The following PAQR5 variants were observed in gnomAD, a reference collection of about 807,000 sequenced individuals.
PAQR5 encodes membrane progestin receptor gamma.
Under a neutral mutation model 34.5 loss-of-function variants are expected in PAQR5, and 20 were observed. That is an observed-to-expected ratio of 0.58 (90% CI 0.41 to 0.84). The LOEUF is 0.84. Ranked by LOEUF, PAQR5 falls within the 40% of genes least tolerant of loss-of-function variation. The probability of loss-of-function intolerance (pLI) is 0.00; values close to 1 mark genes in which losing one functional copy is unlikely to be tolerated. For missense variants in PAQR5, 378 were observed against 412.7 expected, an observed-to-expected ratio of 0.92 and a Z score of 0.73; for synonymous variants, 131 against 155.6, an observed-to-expected ratio of 0.84 and a Z score of 1.18.
intron 3 of PAQR5, among the ~76,000 whole-genome samples, chr15:69,371,804 C>T (rs1343567796): frequency 6.6e-6 from 1 of 152,122 alleles, no homozygotes; most frequent in Non-Finnish European, 1.5e-5. Flanking sequence ...AATAGCCAAA[C>T]CTAGATTTTT....
chr15:69,301,988 A>G lies in PAQR5; in HGVS notation c.-277+2932A>G, dbSNP rs377032466. Among the ~76,000 whole-genome samples, 46 of 144,664 alleles carry G rather than the reference A, an allele frequency of 3.2e-4. 1 individual carries two copies. In the South Asian group the frequency reaches 9.6e-3, roughly 30 times the overall value. The allele number at this position is 144,664 out of a possible 152,430, so 94.9% of individuals were successfully genotyped here. A position where few individuals can be genotyped will look rare whatever the true frequency, so the allele number is the denominator to read the frequency against. The stretch of plus-strand genomic sequence containing the variant: ...AGCTCTCAGGGGTGGTGGGGGTGGT[A>G]GGTTTGTGCATGGGCTTGAGCCCCA... On this transcript the variant is annotated intron_variant, in intron 1 of 8. Coordinates refer to ENST00000395407, the MANE Select transcript of PAQR5 (RefSeq NM_017705.4).
intron 2 of PAQR5, among the ~76,000 whole-genome samples, chr15:69,355,445 G>A (rs2055052468): frequency 6.9e-6 from 1 of 145,462 alleles, no homozygotes; most frequent in Non-Finnish European, 1.5e-5. Context: ...TCTTGAGACA[G>A]AGTCTCACTC....
intron 6 of PAQR5, among the ~76,000 whole-genome samples, chr15:69,395,155 G>A (rs946006913): frequency 2.0e-5 from 3 of 152,176 alleles, no homozygotes; most frequent in African/African-American, 2.4e-5. Context: ...GGCCTGCCGC[G>A]GCAGGGCAGG....
rs577637818 is a variant in PAQR5 at position 69,370,961 on chromosome 15, A to G, written c.52-8922A>G. On this transcript the variant is annotated intron_variant, in intron 3 of 8. Coordinates refer to ENST00000395407, the MANE Select transcript of PAQR5 (RefSeq NM_017705.4). The stretch of plus-strand genomic sequence containing the variant: ...TACATTGATGAATTACTTATGTTTG[A>G]AAGAGTAATAAAACAAAAACATGCA... 2.5e-3 allele frequency among the ~76,000 whole-genome samples: 382 copies of G among 152,350 alleles called. 2 individuals are homozygous for G. The highest frequency in any genetic ancestry group is 9.0e-3 in the African/African-American group (374 of 41,586).
At chr15:69,353,095 G>A (rs1474645102) in intron 2 of PAQR5, among the ~76,000 whole-genome samples, 1 of 152,152 alleles carries the variant, frequency 6.6e-6, no homozygotes, top group Non-Finnish European at 1.5e-5. Flanking sequence ...TTATGCACTG[G>A]CTCAGCAACA....
chr15:69,339,307 C>A lies in PAQR5; in HGVS notation c.-116+1806C>A, dbSNP rs113024679. 4.1e-3 allele frequency among the ~76,000 whole-genome samples: 617 copies of A among 152,162 alleles called. 2 individuals carry two copies. The highest frequency in any genetic ancestry group is 0.014 in the African/African-American group (589 of 41,498). On this transcript the variant is annotated intron_variant, in intron 2 of 8. Transcript: ENST00000395407. ...AATTACTCTTTCTCTGTTACAATTC[C>A]CCTGTCTTGACGAATTGGCTCTGTC...
chr15:69,352,629 C>T (rs2054950884), intron 2 of PAQR5, among the ~76,000 whole-genome samples: 1 of 152,242 alleles, frequency 6.6e-6, no homozygotes, highest in Admixed American at 6.5e-5. Context: ...TGAAAATGGA[C>T]AGCTGCAGCG....
At chr15:69,395,317 G>C (rs150099756) in intron 6 of PAQR5, among the ~76,000 whole-genome samples, 336 of 152,336 alleles carry the variant, frequency 2.2e-3, no homozygotes, top group Non-Finnish European at 3.7e-3. Flanking sequence ...TGAGACAGAG[G>C]GGGTGACACT....
At chr15:69,360,931 C>T (rs2055214799) in intron 3 of PAQR5, among the ~76,000 whole-genome samples, 1 of 152,150 alleles carries the variant, frequency 6.6e-6, no homozygotes, top group Admixed American at 6.5e-5. Flanking sequence ...TTGAAATAAA[C>T]TCAACATCAC....
intron 1 of PAQR5, among the ~76,000 whole-genome samples, chr15:69,316,303 G>A (rs2053947157): frequency 6.6e-6 from 1 of 152,088 alleles, no homozygotes. Flanking sequence ...CTGATCTGGA[G>A]CTCCTGACCA....
At position 69,335,497 on chromosome 15, in the gene PAQR5, G is replaced by A. The variant is rs189303743; in HGVS notation, c.-276-1844G>A. Among the ~76,000 whole-genome samples, 472 of 148,442 alleles carry A rather than the reference G, an allele frequency of 3.2e-3. 2 individuals carry two copies. The highest frequency in any genetic ancestry group is 9.2e-3 in the African/African-American group (373 of 40,434). The stretch of plus-strand genomic sequence containing the variant: ...CCACCTCAGGTGATCTGCCCGCCTC[G>A]GCCTCCCAAAGTGCTAGGATTACAG... On this transcript the variant is annotated intron_variant, in intron 1 of 8. Coordinates refer to ENST00000395407, the MANE Select transcript of PAQR5 (RefSeq NM_017705.4).
chr15:69,345,794 A>G (rs1236480720), intron 2 of PAQR5, among the ~76,000 whole-genome samples: 1 of 152,180 alleles, frequency 6.6e-6, no homozygotes, highest in Non-Finnish European at 1.5e-5. Flanking sequence ...GAAATCTTGC[A>G]TAGTCAGGGG....
intron 2 of PAQR5, among the ~76,000 whole-genome samples, chr15:69,343,769 A>T (rs2054698373): frequency 6.6e-6 from 1 of 152,168 alleles, no homozygotes; most frequent in African/African-American, 2.4e-5. Flanking sequence ...CTTCCAGCTG[A>T]TAGATAGTGT....
chr15:69,328,847 C>A (rs975905277), intron 1 of PAQR5, among the ~76,000 whole-genome samples: 1 of 152,206 alleles, frequency 6.6e-6, no homozygotes, highest in African/African-American at 2.4e-5. Context: ...AGGGCAAGGC[C>A]AGTGCAGCCT....
chr15:69,325,293 C>T (rs574554917), intron 1 of PAQR5, among the ~76,000 whole-genome samples: 2 of 152,160 alleles, frequency 1.3e-5, no homozygotes, highest in African/African-American at 4.8e-5. Context: ...TTTTTAAGCA[C>T]TGTCTATCCC....
intron 2 of PAQR5, among the ~76,000 whole-genome samples, chr15:69,357,605 AC>A (rs2055113894): frequency 6.6e-6 from 1 of 152,086 alleles, no homozygotes; most frequent in African/African-American, 2.4e-5. Context: ...GACTGATACC[AC>A]CACATTTTGT....
intron 3 of PAQR5, among the ~76,000 whole-genome samples, chr15:69,368,639 G>A (rs752638723): frequency 6.6e-5 from 10 of 152,050 alleles, no homozygotes; most frequent in Non-Finnish European, 1.2e-4. Context: ...TACTCTCTCT[G>A]GACTGCATTC....
chr15:69,320,957 T>C (rs1422672290), intron 1 of PAQR5, among the ~76,000 whole-genome samples: 2 of 152,242 alleles, frequency 1.3e-5, no homozygotes, highest in African/African-American at 2.4e-5. Context: ...TCGAATATTT[T>C]CCGCCGACAA....
intron 6 of PAQR5, among the ~76,000 whole-genome samples, chr15:69,392,807 G>A (rs1393887398): frequency 6.8e-6 from 1 of 147,706 alleles, no homozygotes; most frequent in African/African-American, 2.5e-5. Flanking sequence ...TGAAGAGGAG[G>A]ACATAGCAAC....
Sources: gnomAD v4.1 joint callset for allele counts (sites outside exome capture counted in the v4.1 genomes callset) on GRCh38, gnomAD v4.1.1 for gene constraint, MANE v1.5 for transcripts, NCBI Gene and HGNC (gene_info 2026-07-23, HGNC 2026-07-21) for gene names.